CAMK1D: variants seen among roughly 807,000 people sequenced by gnomAD.
CAMK1D encodes the protein calcium/calmodulin-dependent protein kinase type 1D.
CAMK1D carries 9 observed loss-of-function variants against 47.7 expected under a neutral mutation model. That is an observed-to-expected ratio of 0.19 (90% CI 0.11 to 0.33). The LOEUF is 0.33. Among genes scored for constraint, CAMK1D ranks in the 10% least tolerant of loss-of-function variants. The pLI, the probability that CAMK1D is intolerant of heterozygous loss-of-function variation, is 1.00. For synonymous variants in CAMK1D, 184 were observed against 184.9 expected, an observed-to-expected ratio of 0.99 and a Z score of 0.04; for missense variants, 291 against 488.7, an observed-to-expected ratio of 0.60 and a Z score of 3.81.
At chr10:12,712,752 T>C (rs962791681) in intron 3 of CAMK1D, among the ~76,000 whole-genome samples, 9 of 152,112 alleles carry the variant, frequency 5.9e-5, no homozygotes, top group African/African-American at 2.2e-4. Flanking sequence ...GAGACTAACA[T>C]TCAGTCCATA....
chr10:12,733,525 A>G (rs1024650692), intron 3 of CAMK1D, among the ~76,000 whole-genome samples: 8 of 152,214 alleles, frequency 5.3e-5, no homozygotes, highest in Non-Finnish European at 8.8e-5. Flanking sequence ...CTAGGCAATA[A>G]TCAGACCATG....
At chr10:12,373,849 C>A (rs930114462) in intron 1 of CAMK1D, among the ~76,000 whole-genome samples, 1 of 148,156 alleles carries the variant, frequency 6.7e-6, no homozygotes, top group East Asian at 2.1e-4. Flanking sequence ...CCGAGGCAGG[C>A]GGATCACTGG....
intron 1 of CAMK1D, among the ~76,000 whole-genome samples, chr10:12,469,177 A>G (rs78181031): frequency 0.024 from 3,671 of 152,150 alleles, 56 homozygotes; most frequent in Non-Finnish European, 0.035. Flanking sequence ...CTTGAAGTCC[A>G]TGCCTGCTGA....
chr10:12,392,314 C>G (rs1042909897), intron 1 of CAMK1D, among the ~76,000 whole-genome samples: 2 of 151,912 alleles, frequency 1.3e-5, no homozygotes, highest in African/African-American at 4.8e-5. Flanking sequence ...AAAAACAAAA[C>G]AAAATCAAAA....
Position 12,666,761 on chromosome 10 carries a change from C to T in CAMK1D, c.250C>T (p.Leu84=), listed in dbSNP as rs777608313. 1 of 1,613,578 alleles carries T rather than the reference C, an allele frequency of 6.2e-7. No individual in the cohort carries two copies. The highest frequency in any genetic ancestry group is 1.1e-5 in the South Asian group (1 of 91,036). ...GATTAAGCATGAAAATATTGTTGCCCTGGAAGACATTTATGAAAGCCCAAA... is the reference window on the plus strand; with the variant it reads ...GATTAAGCATGAAAATATTGTTGCCTTGGAAGACATTTATGAAAGCCCAAA... ...RKIKHENIVA[L]EDIYESPNHL... Residue 84 remains leucine, a synonymous_variant, in exon 3 of 11, where the codon CTG becomes TTG. Coordinates refer to ENST00000619168, the MANE Select transcript of CAMK1D (RefSeq NM_153498.4).
intron 1 of CAMK1D, among the ~76,000 whole-genome samples, chr10:12,515,576 A>G (rs1446709738): frequency 3.9e-5 from 1 of 25,634 alleles, no homozygotes; most frequent in Non-Finnish European, 6.8e-5. Flanking sequence ...CCCTCCCCCG[A>G]CCCCACCACA....
chr10:12,524,442 G>A (rs960446729), intron 1 of CAMK1D, among the ~76,000 whole-genome samples: 9 of 151,974 alleles, frequency 5.9e-5, no homozygotes, highest in South Asian at 4.2e-4. Flanking sequence ...GCGCGGTGGC[G>A]CACGCCTGTA....
intron 1 of CAMK1D, among the ~76,000 whole-genome samples, chr10:12,352,687 T>C (rs1275490795): frequency 6.6e-6 from 1 of 151,828 alleles, no homozygotes; most frequent in East Asian, 1.9e-4. Flanking sequence ...CTTGGAAAAC[T>C]TGGAAGCATT....
rs149375342 is a variant in CAMK1D, at chr10:12,526,011, G to A, written c.93-27214G>A. ...GACCTCCAGTGATCCGCCTGCTGTG[G>A]CCTCCCAAAGTGCTGGGATTACAGG... On this transcript the variant is annotated intron_variant, in intron 1 of 10. Coordinates refer to ENST00000619168, the MANE Select transcript of CAMK1D (RefSeq NM_153498.4). Among the ~76,000 whole-genome samples the A allele has an allele frequency of 1.1e-3, 175 of 152,304 alleles. 1 individual carries two copies. Among genetic ancestry groups the A allele is most frequent in the African/African-American group, 4.0e-3 (167 of 41,564 alleles).
At chr10:12,515,153 C>T (rs1264255773) in intron 1 of CAMK1D, among the ~76,000 whole-genome samples, 1 of 152,120 alleles carries the variant, frequency 6.6e-6, no homozygotes, top group Non-Finnish European at 1.5e-5. Flanking sequence ...TGAGCCACCA[C>T]ACCTGGCCTA....
rs554858638 is a variant in CAMK1D at position 12,735,253 on chromosome 10, G to C, written c.300-25695G>C. On this transcript the variant is annotated intron_variant, in intron 3 of 10. Coordinates refer to ENST00000619168, the MANE Select transcript of CAMK1D (RefSeq NM_153498.4). ...GCACTTTGGGAGGCCGAGGCGGGCG[G>C]ATCACGAGGTCAGGAGATCAAGACC... Among the ~76,000 whole-genome samples, 10 of 152,278 alleles carry C rather than the reference G, an allele frequency of 6.6e-5. 1 individual carries two copies. The East Asian group carries it at 1.9e-3, about 29-fold the overall frequency.
intron 2 of CAMK1D, among the ~76,000 whole-genome samples, chr10:12,652,004 C>T (rs1839985617): frequency 6.6e-6 from 1 of 151,746 alleles, no homozygotes; most frequent in African/African-American, 2.4e-5. Context: ...TGGCCTCTAT[C>T]TCCTGACCTC....
chr10:12,509,206 C>T (rs1484809400), intron 1 of CAMK1D, among the ~76,000 whole-genome samples: 1 of 152,212 alleles, frequency 6.6e-6, no homozygotes, highest in Non-Finnish European at 1.5e-5. Context: ...CAGAGGCTGT[C>T]ACCTGGCTTT....
At chr10:12,389,518 G>A (rs542141506) in intron 1 of CAMK1D, among the ~76,000 whole-genome samples, 2 of 152,232 alleles carry the variant, frequency 1.3e-5, no homozygotes, top group Admixed American at 6.5e-5. Context: ...GTGAGAACGT[G>A]ACCTAGTTAC....
chr10:12,369,379 C>T lies in CAMK1D; in HGVS notation c.92+19469C>T, dbSNP rs117873040. Among the ~76,000 whole-genome samples, 66 of 152,226 alleles carry T rather than the reference C, an allele frequency of 4.3e-4. 3 individuals carry two copies. In the East Asian group the frequency reaches 0.011, roughly 26 times the overall value. On this transcript the variant is annotated intron_variant, in intron 1 of 10. Transcript: ENST00000619168. ...ACTAAGAAAGTGTTGGTAAACAAAACGTGGTTCTTGTCCTGAGGGAACTTT... is the reference window on the plus strand; with the variant it reads ...ACTAAGAAAGTGTTGGTAAACAAAATGTGGTTCTTGTCCTGAGGGAACTTT...
At chr10:12,795,156 C>T (rs553888773) in intron 6 of CAMK1D, among the ~76,000 whole-genome samples, 7 of 152,100 alleles carry the variant, frequency 4.6e-5, no homozygotes, top group African/African-American at 7.2e-5. Context: ...ACCATCAAGG[C>T]GGGTCTAGAA....
intron 2 of CAMK1D, among the ~76,000 whole-genome samples, chr10:12,577,273 C>G (rs2132329308): frequency 6.6e-6 from 1 of 152,280 alleles, no homozygotes; most frequent in Admixed American, 6.5e-5. Flanking sequence ...CAGCCCAGTT[C>G]CAGCTCTAGG....
intron 10 of CAMK1D, 103 bp downstream of exon 10, chr10:12,825,793 C>G: frequency 6.3e-7 from 1 of 1,577,160 alleles, no homozygotes; most frequent in African/African-American, 1.4e-5. Context: ...GTTTGCCAGG[C>G]GCTTTCTATA....
At chr10:12,454,579 C>T (rs1017282351) in intron 1 of CAMK1D, among the ~76,000 whole-genome samples, 2 of 152,234 alleles carry the variant, frequency 1.3e-5, no homozygotes, top group African/African-American at 2.4e-5. Flanking sequence ...TCTCCTGCCT[C>T]AGCCTCCCGA....
Sources: gnomAD v4.1 joint callset for allele counts (sites outside exome capture counted in the v4.1 genomes callset) on GRCh38, gnomAD v4.1.1 for gene constraint, MANE v1.5 for transcripts, NCBI Gene and HGNC (gene_info 2026-07-23, HGNC 2026-07-21) for gene names.